The following JPH2 variants were observed in gnomAD, a reference collection of about 807,000 sequenced individuals.
JPH2 encodes junctophilin 2.
A neutral mutation model predicts 55.9 loss-of-function variants in JPH2; 38 were observed. The observed-to-expected ratio is 0.68, with a 90% CI of 0.52 to 0.89. JPH2 has a LOEUF of 0.89. Ranked by LOEUF, JPH2 falls within the 40% of genes least tolerant of loss-of-function variation. The pLI, the probability that JPH2 is intolerant of heterozygous loss-of-function variation, is 0.00. For missense variants in JPH2, 964 were observed against 1,037.6 expected (o/e 0.93, Z 0.97); for synonymous variants, 480 against 472.4 (o/e 1.02, Z -0.21).
chr20:44,114,385 G>A (rs974372398), intron 5 of JPH2, among the ~76,000 whole-genome samples: 1 of 152,152 alleles, frequency 6.6e-6, no homozygotes, highest in East Asian at 1.9e-4. Flanking sequence ...TCTGTAATGA[G>A]CTCTAAGTTC....
At chr20:44,129,366 C>G (rs1289591682) in intron 2 of JPH2, among the ~76,000 whole-genome samples, 1 of 152,014 alleles carries the variant, frequency 6.6e-6, no homozygotes, top group Non-Finnish European at 1.5e-5. Context: ...ACCAGCCTGG[C>G]CAACATGGTG....
chr20:44,149,376 C>T (rs1274395766), intron 2 of JPH2, among the ~76,000 whole-genome samples: 1 of 152,268 alleles, frequency 6.6e-6, no homozygotes, highest in Non-Finnish European at 1.5e-5. Flanking sequence ...CGTGGCTACC[C>T]ACTCACAAAG....
At chr20:44,133,481 G>A (rs2072339370) in intron 2 of JPH2, among the ~76,000 whole-genome samples, 1 of 152,078 alleles carries the variant, frequency 6.6e-6, no homozygotes, top group African/African-American at 2.4e-5. Context: ...ACACAGCAGG[G>A]AAGCTCTGGG....
At position 44,153,246 on chromosome 20, in the gene JPH2, C is replaced by T. The variant is rs538778989; in HGVS notation, c.1169+6372G>A. On this transcript the variant is annotated intron_variant, in intron 2 of 5. Transcript: ENST00000372980. ...TCCTTGCATGCTTTCCAAGCACCGGCCCTTTACATGAGCTACTTCTTTTAC... is the reference window on the plus strand; with the variant it reads ...TCCTTGCATGCTTTCCAAGCACCGGTCCTTTACATGAGCTACTTCTTTTAC... Among the ~76,000 whole-genome samples, 4 of 152,304 alleles carry T rather than the reference C, an allele frequency of 2.6e-5. No individual in the cohort carries two copies. In the East Asian group the frequency reaches 7.7e-4, roughly 29 times the overall value.
rs141368096 is a variant in JPH2, at chr20:44,126,833, C to G, written c.1170-8210G>C. ...CCCCTCACAAGACAGGTTAAGGGCA[C>G]AAACTCAAGCCCAATTTGTAGCACC... On this transcript the variant is annotated intron_variant, in intron 2 of 5. Transcript: ENST00000372980. Among the ~76,000 whole-genome samples, 522 of 152,330 alleles carry G rather than the reference C, an allele frequency of 3.4e-3. 1 individual carries two copies. The highest frequency in any genetic ancestry group is 0.012 in the African/African-American group (503 of 41,576).
chr20:44,118,442 C>G, intron 3 of JPH2, 63 bp downstream of exon 3: 3 of 1,307,708 alleles, frequency 2.3e-6, no homozygotes, highest in Non-Finnish European at 3.3e-6. Context: ...TTCCAGTAAG[C>G]AAAGAAAAGC....
intron 2 of JPH2, among the ~76,000 whole-genome samples, chr20:44,120,585 A>T (rs1451344330): frequency 6.6e-6 from 1 of 152,234 alleles, no homozygotes; most frequent in Non-Finnish European, 1.5e-5. Flanking sequence ...CCAAGGTCAC[A>T]GAGTCCTGAA....
intron 2 of JPH2, among the ~76,000 whole-genome samples, chr20:44,130,932 G>A (rs953310271): frequency 1.3e-5 from 2 of 152,120 alleles, no homozygotes; most frequent in African/African-American, 4.8e-5. Context: ...TAATAGCATG[G>A]AATCTGAAGT....
Position 44,115,853 on chromosome 20 carries a change from T to C in JPH2, c.1822A>G (p.Thr608Ala), listed in dbSNP as rs1478428525. Residue 608 changes from threonine (T) to alanine (A), a missense_variant, in exon 4 of 6, where the codon ACG becomes GCG. Physicochemically the swap from Thr to Ala is moderately conservative, Grantham distance 58 (BLOSUM62 0). Coordinates refer to ENST00000372980, the MANE Select transcript of JPH2 (RefSeq NM_020433.5). ...SPATAPLQAP[T>A]LRGPEPARET... ...CGTGCAGGCTCGGGGCCTCGGAGCG[T>C]GGGGGCCTGCAGCGGGGCGGTGGCC... The C allele has an allele frequency of 1.3e-6, 2 of 1,591,418 alleles. No individual in the cohort carries two copies. The highest frequency in any genetic ancestry group is 2.2e-5 in the South Asian group (2 of 90,462).
At chr20:44,137,442 C>T (rs2072422364) in intron 2 of JPH2, among the ~76,000 whole-genome samples, 1 of 152,210 alleles carries the variant, frequency 6.6e-6, no homozygotes, top group African/African-American at 2.4e-5. Flanking sequence ...TGGGGCATTC[C>T]AGCTTTTCCC....
intron 2 of JPH2, among the ~76,000 whole-genome samples, chr20:44,126,180 AAGGAAGGAAGGG>A (rs1569186995): frequency 2.9e-4 from 24 of 83,114 alleles, no homozygotes; most frequent in Admixed American, 1.2e-4. Flanking sequence ...GGAAGGAAGG[AAGGAAGGAAGGG>A]AGGAAGGAAG....
intron 4 of JPH2, 98 bp downstream of exon 4, chr20:44,115,566 AC>A: frequency 6.6e-7 from 1 of 1,510,718 alleles, no homozygotes; most frequent in South Asian, 1.2e-5. Flanking sequence ...GGTCTCTCGC[AC>A]CCCAGCAACC....
chr20:44,124,472 G>C (rs1209646686), intron 2 of JPH2, among the ~76,000 whole-genome samples: 4 of 152,060 alleles, frequency 2.6e-5, no homozygotes, highest in Non-Finnish European at 4.4e-5. Flanking sequence ...CTATGTGCTA[G>C]GCACTTTTCT....
intron 2 of JPH2, among the ~76,000 whole-genome samples, chr20:44,126,281 G>A (rs2072276771): frequency 6.6e-6 from 1 of 151,976 alleles, no homozygotes; most frequent in South Asian, 2.1e-4. Context: ...CCACTGAATT[G>A]TTCACTTTAG....
chr20:44,153,830 G>A (rs369168781), intron 2 of JPH2, among the ~76,000 whole-genome samples: 7 of 152,304 alleles, frequency 4.6e-5, no homozygotes, highest in African/African-American at 1.7e-4. Context: ...AGAAATTTGA[G>A]GTCTGGCGGG....
chr20:44,146,388 C>T (rs2072494651), intron 2 of JPH2, among the ~76,000 whole-genome samples: 1 of 152,072 alleles, frequency 6.6e-6, no homozygotes, highest in African/African-American at 2.4e-5. Context: ...AGGCAAGCTC[C>T]CCTCTCTGCC....
chr20:44,182,270 C>T (rs1275664228), intron 1 of JPH2, among the ~76,000 whole-genome samples: 1 of 152,158 alleles, frequency 6.6e-6, no homozygotes, highest in East Asian at 1.9e-4. Context: ...CCTCAGGGGA[C>T]TGATGACAGG....
chr20:44,178,706 C>A (rs182678929), intron 1 of JPH2, among the ~76,000 whole-genome samples: 2 of 152,234 alleles, frequency 1.3e-5, no homozygotes, highest in East Asian at 3.9e-4. Flanking sequence ...CAATTTTGAA[C>A]AGGAAGAGCA....
chr20:44,165,787 C>T (rs1261044523), intron 1 of JPH2, among the ~76,000 whole-genome samples: 2 of 152,142 alleles, frequency 1.3e-5, no homozygotes, highest in Non-Finnish European at 2.9e-5. Flanking sequence ...GCCCTTCCTC[C>T]AGATACCTAC....
Sources: gnomAD v4.1 joint callset for allele counts (sites outside exome capture counted in the v4.1 genomes callset) on GRCh38, gnomAD v4.1.1 for gene constraint, MANE v1.5 for transcripts, NCBI Gene and HGNC (gene_info 2026-07-23, HGNC 2026-07-21) for gene names.